The following TMEM175 variants were observed in gnomAD, a reference collection of about 807,000 sequenced individuals.
The protein encoded by TMEM175 is endosomal/lysosomal proton channel TMEM175.
In TMEM175, 36 loss-of-function variants were observed where a neutral mutation model predicts 36.5. That is an observed-to-expected ratio of 0.99 (90% CI 0.76 to 1.30). The LOEUF (loss-of-function observed/expected upper bound fraction) is 1.30. Among genes scored for constraint, TMEM175 ranks in the 50% most tolerant of loss-of-function variants. The pLI is 0.00. For synonymous variants in TMEM175, 339 were observed against 313.4 expected, an observed-to-expected ratio of 1.08 and a Z score of -0.86; for missense variants, 705 against 692.8, an observed-to-expected ratio of 1.02 and a Z score of -0.20.
Position 948,012 on chromosome 4 carries a change from G to A in TMEM175, c.154-104G>A, listed in dbSNP as rs756616396. ...CTTGGGTCCCCCAGCTCCTCAGGCA[G>A]CTTAGGGGGGCCCAGCACTGCCCTC... On this transcript the variant is annotated intron_variant, in intron 2 of 10. Transcript: ENST00000264771. The A allele has an allele frequency of 8.1e-6, 13 of 1,610,732 alleles. No homozygotes were observed. The Admixed American group carries it at 1.8e-4, about 23-fold the overall frequency.
chr4:934,973 A>G (rs1726631597), intron 1 of TMEM175, among the ~76,000 whole-genome samples: 1 of 152,246 alleles, frequency 6.6e-6, no homozygotes, highest in African/African-American at 2.4e-5. Flanking sequence ...GAATGAGGAA[A>G]GAAAAACATC....
chr4:955,689 C>G (rs1012613021), intron 9 of TMEM175, 66 bp from the exon 10 acceptor site: 5 of 1,579,786 alleles, frequency 3.2e-6, no homozygotes, highest in Non-Finnish European at 4.3e-6. Flanking sequence ...AGGGCGGTGA[C>G]AGCCACGCGG....
chr4:951,624 A>G, intron 5 of TMEM175, 58 bp from the exon 6 acceptor site: 1 of 1,612,214 alleles, frequency 6.2e-7, no homozygotes, highest in South Asian at 1.1e-5. Context: ...GGCTCTGTCC[A>G]TTCCCCTGCC....
rs188232544 is a variant in TMEM175, at chr4:946,514, A to T, written c.-31-1195A>T. Among the ~76,000 whole-genome samples, 8 of 152,108 alleles carry T rather than the reference A, an allele frequency of 5.3e-5. No individual in the cohort carries two copies. In the East Asian group the frequency reaches 1.5e-3, roughly 29 times the overall value. On this transcript the variant is annotated intron_variant, in intron 1 of 10. Coordinates refer to ENST00000264771, the MANE Select transcript of TMEM175 (RefSeq NM_032326.4). ...CCCACTCGGGTGCAGGGTGAAATCC[A>T]TAGTGCCTGGTTGGCACGAGGCTGC...
At chr4:949,700 A>T (rs188710319) in intron 3 of TMEM175, among the ~76,000 whole-genome samples, 6 of 142,020 alleles carry the variant, frequency 4.2e-5, no homozygotes, top group African/African-American at 1.6e-4. Flanking sequence ...GAAAGCATGA[A>T]AACCTTCCCA....
rs1160788417 is a variant in TMEM175, at chr4:941,443, T to C, written c.-31-6266T>C. 6.0e-5 allele frequency among the ~76,000 whole-genome samples: 9 copies of C among 150,478 alleles called. No individual in the cohort carries two copies. The South Asian group carries it at 1.5e-3, about 24-fold the overall frequency. On this transcript the variant is annotated intron_variant, in intron 1 of 10. Transcript: ENST00000264771. ...TGTACTTTCTGCTCTATTTTTCTTT[T>C]TTTTTTTTTTCTTGAGATGGAGTCT...
chr4:956,340 C>T, intron 10 of TMEM175: 1 of 1,290,078 alleles, frequency 7.8e-7, no homozygotes, highest in Non-Finnish European at 1.0e-6. Flanking sequence ...CTTTGGCTGG[C>T]TGTTGCTTCC....
At chr4:954,411 G>A (rs1257321073) in intron 8 of TMEM175, among the ~76,000 whole-genome samples, 1 of 152,358 alleles carries the variant, frequency 6.6e-6, no homozygotes, top group African/African-American at 2.4e-5. Context: ...AGCTGTTGGT[G>A]CTTGGAGAAT....
At chr4:935,406 A>G (rs1262431293) in intron 1 of TMEM175, among the ~76,000 whole-genome samples, 2 of 152,240 alleles carry the variant, frequency 1.3e-5, no homozygotes, top group African/African-American at 4.8e-5. Context: ...TAAATTTCAT[A>G]GCAAAGAGTA....
At chr4:948,569 G>C in intron 3 of TMEM175, 1 of 1,323,808 alleles carries the variant, frequency 7.6e-7, no homozygotes, top group Non-Finnish European at 9.9e-7. Context: ...CCAGCGCCCC[G>C]TCTCAGCGGG....
At chr4:946,763 G>A (rs1728188146) in intron 1 of TMEM175, among the ~76,000 whole-genome samples, 1 of 152,212 alleles carries the variant, frequency 6.6e-6, no homozygotes, top group African/African-American at 2.4e-5. Context: ...TGGAGTGCCT[G>A]CCCTGGTGCT....
At chr4:950,554 C>T in intron 4 of TMEM175, 36 bp downstream of exon 4, 1 of 1,514,774 alleles carries the variant, frequency 6.6e-7, no homozygotes, top group Non-Finnish European at 9.2e-7. Flanking sequence ...TCCATAGCTG[C>T]TCTCAAGGTT....
chr4:956,257 T>A, intron 10 of TMEM175: 26 of 1,116,672 alleles, frequency 2.3e-5, no homozygotes, highest in Non-Finnish European at 2.7e-5. Context: ...CAGCCCCTCC[T>A]AGTCCCTAGT....
chr4:948,293 C>T, intron 3 of TMEM175, 139 bp downstream of exon 3: 1 of 1,568,324 alleles, frequency 6.4e-7, no homozygotes, highest in Non-Finnish European at 8.6e-7. Context: ...AGGCGGGGGC[C>T]TCCTTGGAAA....
At chr4:951,171 G>A (rs375649041) in intron 4 of TMEM175, 36 bp from the exon 5 acceptor site, 15 of 1,601,134 alleles carry the variant, frequency 9.4e-6, no homozygotes, top group African/African-American at 8.0e-5. Flanking sequence ...TACTACAACC[G>A]CGTTTTATTG....
At chr4:944,928 CCT>C (rs1418085245) in intron 1 of TMEM175, among the ~76,000 whole-genome samples, 2 of 152,076 alleles carry the variant, frequency 1.3e-5, no homozygotes, top group Non-Finnish European at 2.9e-5. Flanking sequence ...TGATGAAACC[CCT>C]GTCTCTATGA....
intron 1 of TMEM175, among the ~76,000 whole-genome samples, chr4:937,204 T>G (rs1481195961): frequency 2.6e-5 from 4 of 152,246 alleles, no homozygotes; most frequent in African/African-American, 9.6e-5. Flanking sequence ...AGGGAATAGA[T>G]AACCTAAATA....
chr4:932,567 C>G lies in TMEM175; in HGVS notation c.-32+27C>G, dbSNP rs1726106838. The G allele has an allele frequency of 4.7e-6, 2 of 422,044 alleles. No individual in the cohort carries two copies. 26.1% of individuals were successfully genotyped at this position (422,044 alleles called of 1,614,324 possible). ...TAGTTCAGCGCCCCAGTCCAGCTCC[C>G]GGTACCGTTCCCCACATGGTCTGTT... On this transcript the variant is annotated intron_variant, in intron 1 of 10. Coordinates refer to ENST00000264771, the MANE Select transcript of TMEM175 (RefSeq NM_032326.4). This position sits in a 1 kb window ranked among gnomAD's most constrained non-coding sequence, Gnocchi z 4.0.
At chr4:955,931 A>G in intron 10 of TMEM175, 41 bp downstream of exon 10, 1 of 1,602,342 alleles carries the variant, frequency 6.2e-7, no homozygotes, top group Non-Finnish European at 8.5e-7. Context: ...TCAGGTGGCC[A>G]ATGTGTCTTG....
Sources: gnomAD v4.1 joint callset for allele counts (sites outside exome capture counted in the v4.1 genomes callset) on GRCh38, gnomAD v4.1.1 for gene constraint, Gnocchi (gnomAD v3.1) non-coding constraint, MANE v1.5 for transcripts, NCBI Gene and HGNC (gene_info 2026-07-23, HGNC 2026-07-21) for gene names.